Variants in PRKAR1A observed in about 807,000 individuals in gnomAD.
PRKAR1A encodes the protein protein kinase cAMP-dependent type I regulatory subunit alpha.
Under a neutral mutation model 52.0 loss-of-function variants are expected in PRKAR1A, and 3 were observed. The ratio of observed to expected loss-of-function variants is 0.06; its 90% CI spans 0.03 to 0.15. The LOEUF is 0.15. Among genes scored for constraint, PRKAR1A ranks in the 10% least tolerant of loss-of-function variants. PRKAR1A has a pLI of 1.00. For missense variants in PRKAR1A, 240 were observed against 477.4 expected (o/e 0.50, Z 4.63); for synonymous variants, 188 against 168.4 (o/e 1.12, Z -0.90).
chr17:68,444,783 A>G, the PRKAR1A span, among the ~76,000 whole-genome samples: 1 of 152,188 alleles, frequency 6.6e-6, no homozygotes, highest in Non-Finnish European at 1.5e-5. Flanking sequence ...ACACAAGCAT[A>G]AAATGCAAGA....
At chr17:68,546,195 A>G (rs9789015) in intron 11 of PRKAR1A, among the ~76,000 whole-genome samples, 85,491 of 139,438 alleles carry the variant, frequency 0.61, 27,786 homozygotes, top group East Asian at 0.87. Flanking sequence ...AAAAAAAAAA[A>G]GCAGCAACTC....
the PRKAR1A span, chr17:68,422,091 G>C: frequency 1.9e-5 from 8 of 422,578 alleles, no homozygotes; most frequent in Non-Finnish European, 3.5e-5. Flanking sequence ...ATTTTTAAAA[G>C]GCTCATCTTA....
the PRKAR1A span, among the ~76,000 whole-genome samples, chr17:68,472,333 A>G: frequency 6.6e-6 from 1 of 151,968 alleles, no homozygotes; most frequent in Non-Finnish European, 1.5e-5. Context: ...TCCCCACACT[A>G]CCATTTCCTC....
the PRKAR1A span, among the ~76,000 whole-genome samples, chr17:68,476,061 C>T: frequency 6.6e-6 from 1 of 151,812 alleles, no homozygotes; most frequent in African/African-American, 2.4e-5. Flanking sequence ...TGGCAATTGC[C>T]CTATAGTGTT....
chr17:68,516,704 A>T (rs1373723565), intron 2 of PRKAR1A, among the ~76,000 whole-genome samples: 2 of 150,324 alleles, frequency 1.3e-5, no homozygotes, highest in East Asian at 3.9e-4. Flanking sequence ...TAAAATTTGT[A>T]TTTAGTACCA....
chr17:68,417,966 A>G, the PRKAR1A span, among the ~76,000 whole-genome samples: 11 of 151,772 alleles, frequency 7.2e-5, no homozygotes, highest in African/African-American at 2.7e-4. Flanking sequence ...TCCTGACCTC[A>G]TGATCCGCCT....
chr17:68,437,947 TTAAA>T, the PRKAR1A span, among the ~76,000 whole-genome samples: 10 of 58,786 alleles, frequency 1.7e-4, no homozygotes, highest in South Asian at 1.9e-3. Flanking sequence ...GACATCTCTC[TTAAA>T]AAAAAAAAAA....
chr17:68,415,793 C>T, the PRKAR1A span, among the ~76,000 whole-genome samples: 1 of 152,172 alleles, frequency 6.6e-6, no homozygotes, highest in East Asian at 1.9e-4. Context: ...TTTTTAACTG[C>T]CGTTGCTTTA....
intron 2 of PRKAR1A, among the ~76,000 whole-genome samples, chr17:68,518,535 A>G (rs1473011521): frequency 6.6e-6 from 1 of 152,178 alleles, no homozygotes; most frequent in South Asian, 2.1e-4. Context: ...TTTAGCCAAG[A>G]CTGGAGCTGA....
At chr17:68,494,294 C>G in the PRKAR1A span, among the ~76,000 whole-genome samples, 1 of 152,054 alleles carries the variant, frequency 6.6e-6, no homozygotes, top group African/African-American at 2.4e-5. Flanking sequence ...AATCCCAGCA[C>G]TTTGGGAGGC....
chr17:68,501,589 A>G, the PRKAR1A span, among the ~76,000 whole-genome samples: 2 of 152,140 alleles, frequency 1.3e-5, no homozygotes, highest in African/African-American at 4.8e-5. Flanking sequence ...CTGTGTAGCT[A>G]GGACTACACA....
the PRKAR1A span, among the ~76,000 whole-genome samples, chr17:68,452,369 A>C: frequency 6.6e-6 from 1 of 152,344 alleles, no homozygotes; most frequent in Non-Finnish European, 1.5e-5. Context: ...GTTGGAGACC[A>C]GCCTGGCCAA....
rs538969309 is a variant in PRKAR1A at position 68,520,271 on chromosome 17, C to T, written c.178-2485C>T. 7.2e-5 allele frequency among the ~76,000 whole-genome samples: 11 copies of T among 152,192 alleles called. 1 individual carries two copies. In the South Asian group the frequency reaches 2.3e-3, roughly 32 times the overall value. On this transcript the variant is annotated intron_variant, in intron 2 of 10. Coordinates refer to ENST00000589228, the MANE Select transcript of PRKAR1A (RefSeq NM_002734.5). ...CAGTGGGGTGGGAAGTATACTTTAC[C>T]CACAGGGAAGAGTGACAGAAGCAGG...
chr17:68,514,121 A>G (rs1367621896), intron 1 of PRKAR1A, among the ~76,000 whole-genome samples: 1 of 152,144 alleles, frequency 6.6e-6, no homozygotes, highest in East Asian at 1.9e-4. Context: ...CATGGCTTCT[A>G]ATTTATGTGC....
the PRKAR1A span, among the ~76,000 whole-genome samples, chr17:68,459,875 C>G: frequency 4.0e-5 from 6 of 148,256 alleles, no homozygotes; most frequent in African/African-American, 1.5e-4. Flanking sequence ...GAGACAGAGT[C>G]TTGCTCTGTC....
downstream of PRKAR1A, chr17:68,535,591 A>G (rs950991487): frequency 4.4e-6 from 2 of 453,940 alleles, no homozygotes; most frequent in Non-Finnish European, 8.8e-6. Context: ...GGGGAGCCCT[A>G]TGCTGCAGTA....
At chr17:68,464,173 C>T in the PRKAR1A span, among the ~76,000 whole-genome samples, 4 of 152,114 alleles carry the variant, frequency 2.6e-5, no homozygotes, top group African/African-American at 9.7e-5. Context: ...CTGACATTGG[C>T]ATATCTAATC....
In PRKAR1A at chr17:68,531,171, A is replaced by G. The variant is rs555951287; in HGVS notation, c.*722A>G. 4.1e-4 allele frequency: 440 copies of G among 1,065,588 alleles called. No individual in the cohort carries two copies. The highest frequency in any genetic ancestry group is 8.3e-4 in the Middle Eastern group (2 of 2,404). The allele number at this position is 1,065,588 out of a possible 1,614,324, so 66.0% of individuals were successfully genotyped here. The stretch of plus-strand genomic sequence containing the variant: ...TTTTAAGTTTGAAACTAACTCATAG[A>G]TTGCAAATATTGGTTAGTATTTAAC... On this transcript the variant is annotated 3_prime_UTR_variant, in exon 11 of 11. Transcript: ENST00000589228.
the PRKAR1A span, among the ~76,000 whole-genome samples, chr17:68,418,512 AG>A: frequency 1.7e-3 from 257 of 149,352 alleles, 2 homozygotes; most frequent in African/African-American, 5.9e-3. Flanking sequence ...GTAATAAAAA[AG>A]GGTTGTCTAA....
Sources: gnomAD v4.1 joint callset for allele counts (sites outside exome capture counted in the v4.1 genomes callset) on GRCh38, gnomAD v4.1.1 for gene constraint, MANE v1.5 for transcripts, NCBI Gene and HGNC (gene_info 2026-07-23, HGNC 2026-07-21) for gene names.